Variants in CUX1 observed in about 807,000 individuals in gnomAD.
The protein encoded by CUX1 is cut like homeobox 1.
Under a neutral mutation model 158.8 loss-of-function variants are expected in CUX1, and 31 were observed. The ratio of observed to expected loss-of-function variants is 0.20; its 90% CI spans 0.15 to 0.26. The LOEUF (loss-of-function observed/expected upper bound fraction) is 0.26, where lower values mean the gene tolerates loss of function less well. CUX1 is among the 10% of genes least tolerant of loss of function. CUX1 has a pLI of 1.00. For missense variants in CUX1, 1,589 were observed against 2,014.6 expected, an observed-to-expected ratio of 0.79 and a Z score of 4.04; for synonymous variants, 879 against 862.1, an observed-to-expected ratio of 1.02 and a Z score of -0.34.
chr7:101,996,308 G>T (rs1195329311), intron 2 of CUX1, among the ~76,000 whole-genome samples: 1 of 152,090 alleles, frequency 6.6e-6, no homozygotes, highest in Non-Finnish European at 1.5e-5. Flanking sequence ...CACAGGCACA[G>T]GACAGAAGGC....
intron 9 of CUX1, among the ~76,000 whole-genome samples, chr7:102,160,106 A>G (rs1014879026): frequency 1.3e-5 from 2 of 152,058 alleles, no homozygotes; most frequent in Admixed American, 6.5e-5. Context: ...ACTTGAACCC[A>G]GAAGGCAGAG....
At position 102,248,964 on chromosome 7, in the gene CUX1, G is replaced by A. The variant is rs199822524; in HGVS notation, c.4440G>A (p.Lys1480=). 8.9e-5 allele frequency: 132 copies of A among 1,483,152 alleles called. 1 individual carries two copies. The Middle Eastern group carries it at 4.2e-3, about 47-fold the overall frequency. The allele number at this position is 1,483,152 out of a possible 1,614,324, so 91.9% of individuals were successfully genotyped here. A position where few individuals can be genotyped will look rare whatever the true frequency, so the allele number is the denominator to read the frequency against. Residue 1480 remains lysine, a synonymous_variant, in exon 24 of 24, where the codon AAG becomes AAA. Coordinates refer to ENST00000292535, the MANE Select transcript of CUX1 (RefSeq NM_181552.4). This position sits in a 1 kb window ranked among gnomAD's most constrained non-coding sequence, Gnocchi z 5.8. ...GCGACAACCCCCTGCGCAAGAAGAA[G>A]GCCGCGAACTTGAACAGCATCATCC... is the stretch of plus-strand genomic sequence containing the variant. ...DSRDNPLRKK[K]AANLNSIIHR...
intron 11 of CUX1, among the ~76,000 whole-genome samples, chr7:102,189,504 T>C (rs1473940679): frequency 6.6e-6 from 1 of 151,524 alleles, no homozygotes; most frequent in Non-Finnish European, 1.5e-5. Flanking sequence ...CAGGCAGTCC[T>C]CCCACCTCAG....
chr7:102,009,659 G>C (rs1382333734), intron 2 of CUX1, among the ~76,000 whole-genome samples: 5 of 152,186 alleles, frequency 3.3e-5, no homozygotes, highest in Non-Finnish European at 5.9e-5. Flanking sequence ...TTAAACCCTG[G>C]CCCTCTGCCC....
In CUX1 at chr7:102,147,241, G is replaced by A. The variant is rs114792866; in HGVS notation, c.675-11319G>A. 6.2e-3 allele frequency among the ~76,000 whole-genome samples: 939 copies of A among 152,216 alleles called. 11 individuals carry two copies. Among genetic ancestry groups the A allele is most frequent in the African/African-American group, 0.022 (897 of 41,540 alleles). On this transcript the variant is annotated intron_variant, in intron 8 of 23. Coordinates refer to ENST00000292535, the MANE Select transcript of CUX1 (RefSeq NM_181552.4). The stretch of plus-strand genomic sequence containing the variant: ...GCCAAAGCAGAAGTGGTTTAACCTT[G>A]GGTGGAAAACGAAAGATAGGGCAAG...
intron 2 of CUX1, among the ~76,000 whole-genome samples, chr7:102,018,341 AT>A (rs1818918431): frequency 1.3e-5 from 2 of 152,224 alleles, no homozygotes; most frequent in African/African-American, 4.8e-5. Flanking sequence ...AATCAGACTT[AT>A]TTAAGAGAAT....
chr7:102,038,235 C>T (rs1359487305), intron 3 of CUX1, among the ~76,000 whole-genome samples: 4 of 152,202 alleles, frequency 2.6e-5, no homozygotes, highest in Admixed American at 1.3e-4. Flanking sequence ...GAATGTGAAG[C>T]ATACTGTCTA....
Position 102,266,484 on chromosome 7 carries a change from C to T in CUX1, c.1256-6882C>T, listed in dbSNP as rs114038102. Among the ~76,000 whole-genome samples, 821 of 151,920 alleles carry T rather than the reference C, an allele frequency of 5.4e-3. 8 individuals are homozygous for T. Among genetic ancestry groups the T allele is most frequent in the African/African-American group, 0.019 (799 of 41,442 alleles). On this transcript the variant is annotated intron_variant, in intron 14 of 22. Transcript: ENST00000292538. Reference sequence around the variant, plus strand: ...GAAGGTTGAAATGCCAGTAGAAGATCAAGTAGAAGATAAATCCAAGGAGAG... The same window carrying T: ...GAAGGTTGAAATGCCAGTAGAAGATTAAGTAGAAGATAAATCCAAGGAGAG...
upstream of CUX1, among the ~76,000 whole-genome samples, chr7:101,816,661 C>T (rs1260457415): frequency 6.9e-6 from 1 of 144,672 alleles, no homozygotes; most frequent in Non-Finnish European, 1.5e-5. Context: ...GCGCCTGCCT[C>T]TCCAGGAGGA....
In CUX1 at chr7:102,162,338, A is replaced by G. The variant is rs1194707108; in HGVS notation, c.723+3730A>G. ...GCCCAGGCTGGAGTGCAGTGGCACA[A>G]TCTCAGCTCACTGCAACCTCCCCGT... On this transcript the variant is annotated intron_variant, in intron 9 of 23. Transcript: ENST00000292535. Among the ~76,000 whole-genome samples the G allele has an allele frequency of 2.0e-5, 3 of 152,116 alleles. No homozygotes were observed. The East Asian group carries it at 5.8e-4, about 29-fold the overall frequency.
rs549657578 is a variant in CUX1 at position 102,040,556 on chromosome 7, A to T, written c.189+12411A>T. Among the ~76,000 whole-genome samples the T allele has an allele frequency of 4.6e-5, 7 of 152,340 alleles. No homozygotes were observed. The South Asian group carries it at 1.2e-3, about 27-fold the overall frequency. On this transcript the variant is annotated intron_variant, in intron 3 of 23. Transcript: ENST00000292535. ...CAAATTCCCCATGGGCACCGGCAGG[A>T]TGATTTGACAGATTCTAATCAAATA...
At chr7:102,026,317 C>A (rs1179238254) in intron 2 of CUX1, among the ~76,000 whole-genome samples, 4 of 152,076 alleles carry the variant, frequency 2.6e-5, no homozygotes, top group Non-Finnish European at 4.4e-5. Context: ...GCTAGGGTAA[C>A]TAAGAAACTG....
In CUX1 at chr7:102,257,439, T is replaced by C. The variant is rs1401910817; in HGVS notation, c.*8397T>C. On this transcript the variant is annotated 3_prime_UTR_variant, in exon 24 of 24. Transcript: ENST00000292535. ...CCTCTTGGAAAAAAAAAATCCCGTG[T>C]ATTCTGGAGATGTGAGAATTCACCC... is the stretch of plus-strand genomic sequence containing the variant. 2.0e-6 allele frequency: 2 copies of C among 985,232 alleles called. No homozygotes were observed. Among genetic ancestry groups the C allele is most frequent in the Non-Finnish European group, 2.4e-6 (2 of 829,922 alleles). The allele number at this position is 985,232 out of a possible 1,614,324, so 61.0% of individuals were successfully genotyped here.
At chr7:101,933,969 T>TGTATG (rs1806605031) in intron 2 of CUX1, among the ~76,000 whole-genome samples, 1 of 152,246 alleles carries the variant, frequency 6.6e-6, no homozygotes, top group South Asian at 2.1e-4. Context: ...GGAAAGACCA[T>TGTATG]GTATGGCGTG....
intron 8 of CUX1, among the ~76,000 whole-genome samples, chr7:102,144,322 A>G (rs1554501267): frequency 1.3e-5 from 2 of 151,762 alleles, no homozygotes; most frequent in African/African-American, 2.4e-5. Flanking sequence ...TTTTTTGTTT[A>G]TGTTTCATAT....
At chr7:101,975,740 C>T (rs1563081178) in intron 2 of CUX1, among the ~76,000 whole-genome samples, 2 of 152,304 alleles carry the variant, frequency 1.3e-5, no homozygotes, top group East Asian at 1.9e-4. Context: ...GGCTGTCTTT[C>T]CGTGTGTTTG....
chr7:101,976,056 C>T (rs778076542), intron 2 of CUX1, among the ~76,000 whole-genome samples: 1 of 152,146 alleles, frequency 6.6e-6, no homozygotes, highest in Non-Finnish European at 1.5e-5. Context: ...TCACTTGAAC[C>T]TGGGAGGTGA....
chr7:102,205,197 G>T (rs201511658), intron 20 of CUX1, 27 bp downstream of exon 20: 1 of 1,554,320 alleles, frequency 6.4e-7, no homozygotes, highest in Non-Finnish European at 8.9e-7. Flanking sequence ...TGTTGCTTTT[G>T]CATGAAATGT....
intron 3 of CUX1, among the ~76,000 whole-genome samples, chr7:102,044,343 C>T (rs886647534): frequency 5.3e-5 from 8 of 152,060 alleles, no homozygotes; most frequent in Non-Finnish European, 2.9e-5. Context: ...GTGTGTGCCA[C>T]CACACCCAGC....
Sources: allele counts gnomAD v4.1 joint callset (sites outside exome capture counted in the v4.1 genomes callset), GRCh38; gene constraint gnomAD v4.1.1; non-coding constraint Gnocchi (gnomAD v3.1); transcripts MANE v1.5; gene names NCBI Gene and HGNC (gene_info 2026-07-23, HGNC 2026-07-21).